MASP1: variants seen among roughly 807,000 people sequenced by gnomAD.
The protein encoded by MASP1 is MBL associated serine protease 1.
MASP1 carries 59 observed loss-of-function variants against 77.1 expected under a neutral mutation model. The observed-to-expected ratio is 0.77, with a 90% CI of 0.62 to 0.95. The LOEUF (loss-of-function observed/expected upper bound fraction) is 0.95, where lower values mean the gene tolerates loss of function less well. Among genes scored for constraint, MASP1 ranks in the 40% least tolerant of loss-of-function variants. The pLI is 0.00. For synonymous variants in MASP1, 362 were observed against 354.5 expected (o/e 1.02, Z -0.24); for missense variants, 885 against 912.9 (o/e 0.97, Z 0.39).
chr3:187,237,363 A>C (rs1713272944), intron 10 of MASP1, among the ~76,000 whole-genome samples: 1 of 152,212 alleles, frequency 6.6e-6, no homozygotes, highest in Non-Finnish European at 1.5e-5. Flanking sequence ...TGTATCCCAC[A>C]CGGACTTAAC....
rs1362613438 is a variant in MASP1 at position 187,234,348 on chromosome 3, A to C, written c.*1336T>G. On this transcript the variant is annotated 3_prime_UTR_variant, in exon 11 of 11. Coordinates refer to ENST00000296280, the MANE Select transcript of MASP1 (RefSeq NM_139125.4). Reference sequence around the variant, plus strand: ...AGAGAGCTCCAGGGAGAAGGAGAACAATCAGCCCTGTGAGGGCCAGAGAGG... The same window carrying C: ...AGAGAGCTCCAGGGAGAAGGAGAACCATCAGCCCTGTGAGGGCCAGAGAGG... 4 of 1,287,014 alleles carry C rather than the reference A, an allele frequency of 3.1e-6. No individual in the cohort carries two copies. The South Asian group carries it at 4.9e-5, about 16-fold the overall frequency. The allele number at this position is 1,287,014 out of a possible 1,614,324, so 79.7% of individuals were successfully genotyped here. A position where few individuals can be genotyped will look rare whatever the true frequency, so the allele number is the denominator to read the frequency against.
chr3:187,252,296 G>A (rs1327999056), intron 6 of MASP1, among the ~76,000 whole-genome samples: 2 of 152,224 alleles, frequency 1.3e-5, no homozygotes, highest in South Asian at 2.1e-4. Flanking sequence ...TGAAATTTGC[G>A]CCCCTGTAAT....
intron 15 of MASP1, among the ~76,000 whole-genome samples, chr3:187,220,492 C>CTTTTTTTTTTTTTTT (rs747532550): frequency 7.4e-6 from 1 of 134,560 alleles, no homozygotes; most frequent in Non-Finnish European, 1.5e-5. Context: ...TTTCTTTTTT[C>CTTTTTTTTTTTTTTT]TTTCTTTTTT....
chr3:187,256,706 A>C lies in MASP1; in HGVS notation c.702T>G (p.Ile234Met). 1 of 1,614,016 alleles carries C rather than the reference A, an allele frequency of 6.2e-7. No homozygotes were observed. The highest frequency in any genetic ancestry group is 8.5e-7 in the Non-Finnish European group (1 of 1,180,014). ...GGCAGGGCACCTCAGGATGGTCCTC[A>C]ATGTCAAATATGTCCTCAAACTGCA... ...VNLQFEDIFD[I>M]EDHPEVPCPY... is the part of the protein sequence containing the mutation. The change falls in exon 5 of 11, where the codon ATT (isoleucine) becomes ATG (methionine). Residue 234 changes from isoleucine to methionine, a missense_variant. By Grantham distance (10) the Ile-to-Met change is conservative (BLOSUM62 1). Coordinates refer to ENST00000296280, the MANE Select transcript of MASP1 (RefSeq NM_139125.4).
intron 9 of MASP1, 69 bp downstream of exon 9, chr3:187,243,415 C>T: frequency 6.5e-7 from 1 of 1,549,654 alleles, no homozygotes; most frequent in Non-Finnish European, 8.9e-7. Context: ...GCTGTCTCGG[C>T]CCCCAGTCCA....
At chr3:187,260,925 C>T in intron 3 of MASP1, 53 bp from the exon 4 acceptor site, 1 of 1,609,154 alleles carries the variant, frequency 6.2e-7, no homozygotes, top group Non-Finnish European at 8.5e-7. Context: ...ATGAAGACTA[C>T]AGCCAACATT....
intron 11 of MASP1, among the ~76,000 whole-genome samples, chr3:187,227,440 A>C (rs1366818546): frequency 6.6e-6 from 1 of 152,000 alleles, no homozygotes; most frequent in Non-Finnish European, 1.5e-5. Context: ...TTCACCTCTT[A>C]TGTGGAGCAG....
At chr3:187,262,993 A>C (rs1715727928) in intron 2 of MASP1, 1 of 425,838 alleles carries the variant, frequency 2.3e-6, no homozygotes, top group Non-Finnish European at 4.3e-6. Flanking sequence ...ATTTATTAAA[A>C]ATAACTCAAT....
At chr3:187,226,320 T>C (rs759537392) in intron 12 of MASP1, 1 of 972,326 alleles carries the variant, frequency 1.0e-6, no homozygotes, top group Non-Finnish European at 1.6e-6. Flanking sequence ...AGCGAGTGAG[T>C]GAGCAGACAC....
chr3:187,288,320 C>T (rs982465237), intron 1 of MASP1, among the ~76,000 whole-genome samples: 15 of 152,132 alleles, frequency 9.9e-5, no homozygotes, highest in Non-Finnish European at 1.6e-4. Context: ...GGTGGCAGGG[C>T]CCAGGCATCC....
chr3:187,243,842 A>T (rs1014566397), intron 8 of MASP1: 2 of 602,390 alleles, frequency 3.3e-6, no homozygotes, highest in African/African-American at 3.7e-5. Flanking sequence ...TTATGGTACT[A>T]CTGTGTGGTC....
exon 13 of MASP1, chr3:187,225,382 G>A: frequency 6.2e-7 from 1 of 1,614,050 alleles, no homozygotes; most frequent in Non-Finnish European, 8.5e-7. Context: ...TCAGCACTGG[G>A]CTCTCCAACA....
In MASP1 at chr3:187,260,735, C is replaced by G. The variant is rs770767772; in HGVS notation, c.547+6G>C. 1.2e-5 allele frequency: 19 copies of G among 1,614,032 alleles called. No individual in the cohort carries two copies. The highest frequency in any genetic ancestry group is 1.1e-4 in the African/African-American group (8 of 74,924). On this transcript the variant is annotated splice_donor_region_variant and intron_variant, in intron 4 of 10. Coordinates refer to ENST00000296280, the MANE Select transcript of MASP1 (RefSeq NM_139125.4). ...GGCAATGCATACAATCATTGGTAGG[C>G]TCTACCTCGGCAGGTCCTGTTGTCT... is the stretch of plus-strand genomic sequence containing the variant.
At chr3:187,258,496 G>A (rs970065383) in intron 4 of MASP1, among the ~76,000 whole-genome samples, 2 of 152,176 alleles carry the variant, frequency 1.3e-5, no homozygotes, top group African/African-American at 4.8e-5. Flanking sequence ...CCTATAACCT[G>A]TTGAATATGT....
intron 9 of MASP1, chr3:187,243,268 T>C (rs937612828): frequency 1.7e-6 from 1 of 589,566 alleles, no homozygotes; most frequent in Non-Finnish European, 3.0e-6. Flanking sequence ...AGCCTGCTTT[T>C]TGGTTTTGAG....
At chr3:187,256,587 G>T in intron 5 of MASP1, 77 bp downstream of exon 5, 1 of 1,384,106 alleles carries the variant, frequency 7.2e-7, no homozygotes, top group East Asian at 2.3e-5. Context: ...AGAAGGTGAA[G>T]GTTCCGCAAT....
chr3:187,223,028 C>T, intron 14 of MASP1: 1 of 1,082,802 alleles, frequency 9.2e-7, no homozygotes, highest in Non-Finnish European at 1.4e-6. Context: ...TCACCAACCC[C>T]CACCCAAGCC....
chr3:187,285,706 C>A, intron 2 of MASP1, 119 bp downstream of exon 2: 1 of 807,966 alleles, frequency 1.2e-6, no homozygotes, highest in Non-Finnish European at 2.1e-6. Flanking sequence ...GAATTCATAC[C>A]ATTGTGATGT....
intron 8 of MASP1, chr3:187,246,468 A>G: frequency 3.0e-6 from 3 of 985,392 alleles, no homozygotes; most frequent in Non-Finnish European, 3.6e-6. Context: ...CAGACTGCCC[A>G]GGGTTCTCCC....
Sources: allele counts gnomAD v4.1 joint callset (sites outside exome capture counted in the v4.1 genomes callset), GRCh38; gene constraint gnomAD v4.1.1; transcripts MANE v1.5; gene names NCBI Gene and HGNC (gene_info 2026-07-23, HGNC 2026-07-21).